ENOX1: variants seen among roughly 807,000 people sequenced by gnomAD.
ENOX1 encodes candidate growth-related and time keeping constitutive hydroquinone (NADH) oxidase.
Under a neutral mutation model 82.5 loss-of-function variants are expected in ENOX1, and 42 were observed. The observed-to-expected ratio is 0.51, with a 90% confidence interval of 0.40 to 0.66. ENOX1 has a LOEUF of 0.66. Ranked by LOEUF, ENOX1 falls within the 30% of genes least tolerant of loss-of-function variation. ENOX1 has a pLI of 0.00. For synonymous variants in ENOX1, 271 were observed against 282.2 expected (o/e 0.96, Z 0.40); for missense variants, 608 against 811.6 (o/e 0.75, Z 3.05).
intron 2 of ENOX1, among the ~76,000 whole-genome samples, chr13:43,530,515 T>G (rs899781014): frequency 1.3e-5 from 2 of 152,142 alleles, no homozygotes; most frequent in Non-Finnish European, 2.9e-5. Context: ...CTATCTCATG[T>G]GCAGATATTA....
intron 2 of ENOX1, among the ~76,000 whole-genome samples, chr13:43,601,116 T>C (rs2081697129): frequency 6.6e-6 from 1 of 152,038 alleles, no homozygotes; most frequent in Non-Finnish European, 1.5e-5. Context: ...AACTCTTCAA[T>C]GACAAGACTG....
intron 3 of ENOX1, among the ~76,000 whole-genome samples, chr13:43,473,099 G>A (rs2058137482): frequency 6.6e-6 from 1 of 152,154 alleles, no homozygotes; most frequent in Non-Finnish European, 1.5e-5. Context: ...TTTATAAACA[G>A]ATATTTTCCA....
chr13:43,227,781 G>T (rs557392208), intron 15 of ENOX1, among the ~76,000 whole-genome samples: 1 of 152,234 alleles, frequency 6.6e-6, no homozygotes, highest in African/African-American at 2.4e-5. Flanking sequence ...CCTTATAAGA[G>T]TTCAGCAATT....
chr13:43,349,456 C>T (rs780589510), intron 8 of ENOX1, among the ~76,000 whole-genome samples: 17 of 152,184 alleles, frequency 1.1e-4, no homozygotes, highest in Non-Finnish European at 2.1e-4. Context: ...AATCCACGCC[C>T]ATCTCATTTC....
At chr13:43,438,765 C>T (rs1265346744) in intron 3 of ENOX1, among the ~76,000 whole-genome samples, 2 of 152,162 alleles carry the variant, frequency 1.3e-5, no homozygotes, top group Non-Finnish European at 1.5e-5. Context: ...AATGCATATG[C>T]TTGGTCTTCA....
rs757929801 is a variant in ENOX1, at chr13:43,359,925, C to T, written c.515G>A (p.Arg172Gln). 5.6e-6 allele frequency: 9 copies of T among 1,614,166 alleles called. No individual in the cohort carries two copies. The highest frequency in any genetic ancestry group is 1.7e-5 in the Admixed American group (1 of 60,032). Reference sequence around the variant, plus strand: ...GTGACAAAAATTCTTCTTGCTTTTCCGAATTGCTGTAATATCACCGCACTG... The same window carrying T: ...GTGACAAAAATTCTTCTTGCTTTTCTGAATTGCTGTAATATCACCGCACTG... ...FEQCGDITAIRKSKKNFCHIR... is the reference protein window; with the variant it reads ...FEQCGDITAIQKSKKNFCHIR... The change falls in exon 7 of 17, where the codon CGG (arginine) becomes CAG (glutamine). Residue 172 changes from arginine (R) to glutamine (Q), a missense_variant. Physicochemically the swap from Arg to Gln is conservative, Grantham distance 43. Coordinates refer to ENST00000690772, the MANE Select transcript of ENOX1 (RefSeq NM_001347969.2).
chr13:43,457,761 C>T (rs2057296788), intron 3 of ENOX1, among the ~76,000 whole-genome samples: 1 of 152,076 alleles, frequency 6.6e-6, no homozygotes, highest in African/African-American at 2.4e-5. Flanking sequence ...TTTTATCAGT[C>T]AACAAAATGT....
intron 9 of ENOX1, among the ~76,000 whole-genome samples, chr13:43,328,495 TTTGG>T (rs1478667195): frequency 2.6e-5 from 4 of 152,078 alleles, no homozygotes; most frequent in Admixed American, 6.5e-5. Flanking sequence ...AGACTGAGTG[TTTGG>T]TTGGTAATAG....
At chr13:43,754,569 A>G (rs1950546219) in intron 1 of ENOX1, among the ~76,000 whole-genome samples, 1 of 148,464 alleles carries the variant, frequency 6.7e-6, no homozygotes. Flanking sequence ...CTCTACTTGT[A>G]TCTTTTAATT....
intron 3 of ENOX1, among the ~76,000 whole-genome samples, chr13:43,448,399 A>C (rs2056775902): frequency 6.6e-6 from 1 of 152,242 alleles, no homozygotes; most frequent in African/African-American, 2.4e-5. Context: ...ACGGCAAATA[A>C]AGATTAAGAT....
At chr13:43,771,628 A>G (rs1423857758) in intron 1 of ENOX1, among the ~76,000 whole-genome samples, 1 of 152,206 alleles carries the variant, frequency 6.6e-6, no homozygotes, top group East Asian at 1.9e-4. Context: ...GGGTTTAGAA[A>G]TATCTACCAA....
At chr13:43,482,273 G>A (rs2058535558) in intron 3 of ENOX1, among the ~76,000 whole-genome samples, 1 of 152,156 alleles carries the variant, frequency 6.6e-6, no homozygotes, top group Non-Finnish European at 1.5e-5. Context: ...AGTAAATATG[G>A]TCTATATGTA....
chr13:43,332,657 C>T (rs1230656864), intron 9 of ENOX1, among the ~76,000 whole-genome samples: 1 of 152,120 alleles, frequency 6.6e-6, no homozygotes, highest in Non-Finnish European at 1.5e-5. Flanking sequence ...TTGCATCACT[C>T]CAAGTATACT....
At chr13:43,396,072 A>G (rs4942223) in intron 5 of ENOX1, among the ~76,000 whole-genome samples, 43,400 of 152,138 alleles carry the variant, frequency 0.29, 8,759 homozygotes, top group African/African-American at 0.54. Context: ...GCTCTTTTCC[A>G]AAGATTGCTT....
chr13:43,396,159 C>A (rs2053135457), intron 5 of ENOX1, among the ~76,000 whole-genome samples: 2 of 152,182 alleles, frequency 1.3e-5, no homozygotes, highest in African/African-American at 4.8e-5. Flanking sequence ...GGTTACTCAG[C>A]AGATGCCACT....
chr13:43,404,336 C>T (rs146469547), intron 5 of ENOX1, among the ~76,000 whole-genome samples: 108 of 152,266 alleles, frequency 7.1e-4, no homozygotes, highest in Non-Finnish European at 1.2e-3. Context: ...CACCTCTGGC[C>T]CACATACACC....
At chr13:43,649,097 T>C (rs2084032030) in intron 2 of ENOX1, among the ~76,000 whole-genome samples, 1 of 152,236 alleles carries the variant, frequency 6.6e-6, no homozygotes, top group Non-Finnish European at 1.5e-5. Flanking sequence ...TGATGGTCTC[T>C]GATATCCAAA....
chr13:43,693,571 T>A (rs1397254853), intron 1 of ENOX1, among the ~76,000 whole-genome samples: 1 of 152,196 alleles, frequency 6.6e-6, no homozygotes, highest in Admixed American at 6.5e-5. Context: ...ATGAACTGTT[T>A]CATATCCATT....
intron 1 of ENOX1, among the ~76,000 whole-genome samples, chr13:43,726,055 G>C (rs1252679043): frequency 6.6e-6 from 1 of 151,222 alleles, no homozygotes; most frequent in Non-Finnish European, 1.5e-5. Context: ...TTTTTGTTTT[G>C]TTTCATTTTG....
Sources: gnomAD v4.1 joint callset for allele counts (sites outside exome capture counted in the v4.1 genomes callset) on GRCh38, gnomAD v4.1.1 for gene constraint, MANE v1.5 for transcripts, NCBI Gene and HGNC (gene_info 2026-07-23, HGNC 2026-07-21) for gene names.